VDR: variants seen among roughly 807,000 people sequenced by gnomAD.
The protein encoded by VDR is vitamin D receptor, also known as vitamin D3 receptor.
VDR carries 19 observed loss-of-function variants against 39.7 expected under a neutral mutation model. The ratio of observed to expected loss-of-function variants is 0.48; its 90% CI spans 0.33 to 0.70. The LOEUF is 0.70. Ranked by LOEUF, VDR falls within the 30% of genes least tolerant of loss-of-function variation. The probability of loss-of-function intolerance (pLI) is 0.02; values close to 1 mark genes in which losing one functional copy is unlikely to be tolerated. For missense variants in VDR, 442 were observed against 570.5 expected, an observed-to-expected ratio of 0.77 and a Z score of 2.29; for synonymous variants, 242 against 215.8, an observed-to-expected ratio of 1.12 and a Z score of -1.07.
chr12:47,857,104 T>A (rs772706964), intron 6 of VDR, 25 bp downstream of exon 6: 1 of 1,613,706 alleles, frequency 6.2e-7, no homozygotes, highest in Non-Finnish European at 8.5e-7. Context: ...TCCCTTACTC[T>A]ATGGAGGACT....
intron 7 of VDR, among the ~76,000 whole-genome samples, chr12:47,848,868 T>C (rs1055636933): frequency 3.9e-5 from 6 of 152,216 alleles, no homozygotes; most frequent in African/African-American, 1.4e-4. Context: ...ACCCGGCCAC[T>C]TGTTTTCTAC....
At chr12:47,852,179 T>C (rs886674592) in intron 7 of VDR, among the ~76,000 whole-genome samples, 7 of 152,188 alleles carry the variant, frequency 4.6e-5, no homozygotes, top group African/African-American at 7.2e-5. Flanking sequence ...TCAGCCACCA[T>C]TGGAATCACT....
intron 3 of VDR, among the ~76,000 whole-genome samples, chr12:47,874,829 T>C (rs1466525574): frequency 6.6e-6 from 1 of 152,206 alleles, no homozygotes; most frequent in Non-Finnish European, 1.5e-5. Flanking sequence ...TCCATGACCA[T>C]ATGCATCCAC....
intron 4 of VDR, among the ~76,000 whole-genome samples, chr12:47,863,544 G>T (rs546944435): frequency 6.6e-6 from 1 of 152,188 alleles, no homozygotes; most frequent in African/African-American, 2.4e-5. Flanking sequence ...CCACCCTAAC[G>T]CCTCACCCTG....
At chr12:47,857,370 A>G (rs1592107421) in intron 5 of VDR, 121 bp from the exon 6 acceptor site, 1 of 1,602,482 alleles carries the variant, frequency 6.2e-7, no homozygotes, top group South Asian at 1.1e-5. Flanking sequence ...TCCCAGTGCC[A>G]GGGGCAGAGC....
intron 2 of VDR, among the ~76,000 whole-genome samples, chr12:47,879,402 C>T (rs1193192102): frequency 6.6e-6 from 1 of 152,222 alleles, no homozygotes; most frequent in Non-Finnish European, 1.5e-5. Flanking sequence ...TGGTTCACCT[C>T]TGCATGCCCC....
Position 47,865,107 on chromosome 12 carries a change from G to A in VDR, c.217C>T (p.Arg73Ter), listed in dbSNP as rs980041568. Residue 73 changes from arginine to a stop codon, truncating the protein, a stop_gained, in exon 4 of 10, where the codon CGA becomes TGA. Coordinates refer to ENST00000549336, the MANE Select transcript of VDR (RefSeq NM_000376.3). LOFTEE classifies it high-confidence loss of function. The part of the protein sequence containing the change: ...NGDCRITKDN[R>*]RHCQACRLKR... ...AGCCGGCAGGCCTGGCAGTGGCGTCGGTTGTCCTTGGTGATGCGGCAGTCC... is the reference window on the plus strand; with the variant it reads ...AGCCGGCAGGCCTGGCAGTGGCGTCAGTTGTCCTTGGTGATGCGGCAGTCC... The A allele has an allele frequency of 1.1e-5, 18 of 1,613,834 alleles. No individual in the cohort carries two copies. Among genetic ancestry groups the A allele is most frequent in the African/African-American group, 8.0e-5 (6 of 74,940 alleles).
rs201814357 is a variant in VDR, at chr12:47,857,249, G to T, written c.463C>A (p.Pro155Thr). 8 of 1,614,186 alleles carry T rather than the reference G, an allele frequency of 5.0e-6. No individual in the cohort carries two copies. The African/African-American group carries it at 1.1e-4, about 22-fold the overall frequency. ...PTYSDFCQFR[P>T]PVRVNDGGGS... is the part of the protein sequence containing the mutation. ...CCACCATCATTCACACGAACTGGAGGCTGGAAGGGAAAGATGGGGTCTCAG... is the reference window on the plus strand; with the variant it reads ...CCACCATCATTCACACGAACTGGAGTCTGGAAGGGAAAGATGGGGTCTCAG... Residue 155 changes from proline to threonine, a missense_variant and splice_region_variant, in exon 6 of 10, where the codon CCT becomes ACT. Coordinates refer to ENST00000549336, the MANE Select transcript of VDR (RefSeq NM_000376.3).
intron 1 of VDR, among the ~76,000 whole-genome samples, chr12:47,885,723 G>A (rs1467498656): frequency 6.6e-6 from 1 of 152,130 alleles, no homozygotes; most frequent in Admixed American, 6.5e-5. Context: ...TAAGAGACAA[G>A]GTCTCCTCTG....
At chr12:47,869,815 T>C (rs1267279466) in intron 3 of VDR, among the ~76,000 whole-genome samples, 1 of 152,200 alleles carries the variant, frequency 6.6e-6, no homozygotes, top group Non-Finnish European at 1.5e-5. Context: ...AAGGATCGCT[T>C]GAGCTGGTGA....
intron 7 of VDR, among the ~76,000 whole-genome samples, chr12:47,851,588 A>G (rs773538848): frequency 3.9e-5 from 6 of 152,136 alleles, no homozygotes; most frequent in Non-Finnish European, 8.8e-5. Context: ...TATGTCTTGG[A>G]ACAATAGAAC....
chr12:47,843,516 A>C lies in VDR; in HGVS notation c.*1230T>G, dbSNP rs183065608. 4.6e-5 allele frequency: 7 copies of C among 152,100 alleles called. No individual in the cohort carries two copies. The highest frequency in any genetic ancestry group is 4.6e-4 in the Admixed American group (7 of 15,214). 9.4% of individuals were successfully genotyped at this position (152,100 alleles called of 1,614,324 possible). ...CCACCAGCTGGGCTGGGCTGGCTGC[A>C]GAGAGCATGCACTTGAAGTTGTATC... On this transcript the variant is annotated 3_prime_UTR_variant, in exon 10 of 10. Coordinates refer to ENST00000549336, the MANE Select transcript of VDR (RefSeq NM_000376.3).
At chr12:47,890,851 C>T (rs1199159281) in intron 1 of VDR, among the ~76,000 whole-genome samples, 2 of 152,108 alleles carry the variant, frequency 1.3e-5, no homozygotes. Flanking sequence ...AAGATGTCTA[C>T]AGATGTGGTC....
chr12:47,856,449 C>T (rs887584004), intron 6 of VDR, among the ~76,000 whole-genome samples: 2 of 151,860 alleles, frequency 1.3e-5, no homozygotes, highest in African/African-American at 2.4e-5. Context: ...TCCAGATATC[C>T]AATGGTAGGG....
At chr12:47,882,628 T>TGGGGCCCCCCCCCCC in intron 2 of VDR, 66 bp downstream of exon 2, 1 of 187,188 alleles carries the variant, frequency 5.3e-6, no homozygotes, top group Non-Finnish European at 9.9e-6. Flanking sequence ...CTTATGCCCC[T>TGGGGCCCCCCCCCCC]CCCCCCCACC....
chr12:47,858,742 G>A (rs1257616759), intron 4 of VDR, among the ~76,000 whole-genome samples: 4 of 152,272 alleles, frequency 2.6e-5, no homozygotes, highest in African/African-American at 9.6e-5. Context: ...TGCTGCCAGG[G>A]CATCTGCCCA....
At chr12:47,847,653 G>A (rs1161799759) in intron 7 of VDR, among the ~76,000 whole-genome samples, 1 of 151,880 alleles carries the variant, frequency 6.6e-6, no homozygotes, top group Non-Finnish European at 1.5e-5. Flanking sequence ...GCATGCTACA[G>A]CCTCAAACTC....
rs1555153540 is a variant in VDR at position 47,871,338 on chromosome 12, C to CTTTCTTTCTTTCTTTCTTTCTTTCTTTCT, written c.147-6162_147-6161insAGAAAGAAAGAAAGAAAGAAAGAAAGAAA. ...TCTTTCTTTCTTTCTTTCTTTCTTT[C>CTTTCTTTCTTTCTTTCTTTCTTTCTTTCT]TTTCTTTCTTTCTTTCTTTCCTTTC... On this transcript the variant is annotated intron_variant, in intron 3 of 9. Coordinates refer to ENST00000549336, the MANE Select transcript of VDR (RefSeq NM_000376.3). 6.1e-4 allele frequency among the ~76,000 whole-genome samples: 89 copies of CTTTCTTTCTTTCTTTCTTTCTTTCTTTCT among 145,500 alleles called. 1 individual carries two copies. Among genetic ancestry groups the CTTTCTTTCTTTCTTTCTTTCTTTCTTTCT allele is most frequent in the African/African-American group, 2.1e-3 (81 of 39,432 alleles).
intron 1 of VDR, among the ~76,000 whole-genome samples, chr12:47,900,606 C>T (rs948115016): frequency 6.6e-6 from 1 of 152,186 alleles, no homozygotes; most frequent in African/African-American, 2.4e-5. Context: ...CGTAGCACAG[C>T]ACCTGTTACC....
Sources: allele counts gnomAD v4.1 joint callset (sites outside exome capture counted in the v4.1 genomes callset), GRCh38; gene constraint gnomAD v4.1.1; transcripts MANE v1.5; gene names NCBI Gene and HGNC (gene_info 2026-07-23, HGNC 2026-07-21).